The following ARB2A variants were observed in gnomAD, a reference collection of about 807,000 sequenced individuals.
The protein encoded by ARB2A is ARB2 cotranscriptional regulator A, also known as cotranscriptional regulator ARB2A.
At chr5:93,865,142 C>T in the ARB2A span, among the ~76,000 whole-genome samples, 2 of 152,012 alleles carry the variant, frequency 1.3e-5, no homozygotes, top group South Asian at 2.1e-4. Flanking sequence ...AGTGCAGTGG[C>T]GCGATCTCGG....
At chr5:94,063,343 A>G in the ARB2A span, among the ~76,000 whole-genome samples, 1 of 152,064 alleles carries the variant, frequency 6.6e-6, no homozygotes, top group Non-Finnish European at 1.5e-5. Context: ...AACCTCACAC[A>G]TGCCACCTGC....
At chr5:93,657,932 G>T in the ARB2A span, among the ~76,000 whole-genome samples, 3 of 152,086 alleles carry the variant, frequency 2.0e-5, no homozygotes, top group Admixed American at 2.0e-4. Flanking sequence ...AACCAAATTT[G>T]CTATATAATA....
the ARB2A span, among the ~76,000 whole-genome samples, chr5:93,857,387 G>A: frequency 6.6e-6 from 1 of 152,206 alleles, no homozygotes; most frequent in African/African-American, 2.4e-5. Context: ...TGCCCCCAGA[G>A]ATGGAGCCTA....
At chr5:93,680,162 C>T in the ARB2A span, among the ~76,000 whole-genome samples, 9 of 151,730 alleles carry the variant, frequency 5.9e-5, no homozygotes, top group South Asian at 8.3e-4. Context: ...AGGCCTGGAA[C>T]GAAGAGGAAA....
chr5:94,086,232 A>T, the ARB2A span, among the ~76,000 whole-genome samples: 1 of 152,238 alleles, frequency 6.6e-6, no homozygotes, highest in Non-Finnish European at 1.5e-5. Context: ...TTTTTTATCA[A>T]CAATATGTTC....
At chr5:93,885,734 C>A in the ARB2A span, among the ~76,000 whole-genome samples, 1 of 151,624 alleles carries the variant, frequency 6.6e-6, no homozygotes. Context: ...CTTTCATTTT[C>A]AGACCTGTGT....
At chr5:93,770,998 T>C in the ARB2A span, among the ~76,000 whole-genome samples, 1 of 152,010 alleles carries the variant, frequency 6.6e-6, no homozygotes, top group East Asian at 1.9e-4. Context: ...ATCGCCAAGT[T>C]AATCCTAAGC....
the ARB2A span, among the ~76,000 whole-genome samples, chr5:94,094,144 A>G: frequency 6.6e-6 from 1 of 152,238 alleles, no homozygotes; most frequent in Admixed American, 6.5e-5. Flanking sequence ...GTATTAGTCT[A>G]GTCAGGCTGC....
the ARB2A span, among the ~76,000 whole-genome samples, chr5:93,932,289 A>T: frequency 6.6e-6 from 1 of 152,144 alleles, no homozygotes; most frequent in African/African-American, 2.4e-5. Context: ...CCCTTTAAAC[A>T]TCATGTGTGT....
the ARB2A span, among the ~76,000 whole-genome samples, chr5:94,000,426 T>A: frequency 5.3e-5 from 8 of 152,102 alleles, no homozygotes; most frequent in Non-Finnish European, 1.2e-4. Context: ...ATATGGAACA[T>A]CTTTTCATAT....
chr5:93,998,689 G>A, the ARB2A span, among the ~76,000 whole-genome samples: 1 of 151,908 alleles, frequency 6.6e-6, no homozygotes, highest in Non-Finnish European at 1.5e-5. Context: ...AGTTTAAAGA[G>A]ATATTCCATT....
At chr5:93,678,522 G>A in the ARB2A span, among the ~76,000 whole-genome samples, 9 of 152,304 alleles carry the variant, frequency 5.9e-5, no homozygotes, top group East Asian at 5.8e-4. Flanking sequence ...CTGGGAGCCC[G>A]AGGTGGGTGG....
the ARB2A span, among the ~76,000 whole-genome samples, chr5:93,856,590 T>C: frequency 1.2e-4 from 19 of 152,368 alleles, no homozygotes; most frequent in African/African-American, 4.3e-4. Context: ...CTGAGGTTTC[T>C]GCATTCTTCA....
the ARB2A span, among the ~76,000 whole-genome samples, chr5:94,094,201 T>A: frequency 1.3e-5 from 2 of 152,252 alleles, no homozygotes; most frequent in Non-Finnish European, 2.9e-5. Flanking sequence ...GATAAATTTA[T>A]TTTCTCACAG....
the ARB2A span, among the ~76,000 whole-genome samples, chr5:93,960,085 C>G: frequency 8.5e-5 from 12 of 141,682 alleles, 1 homozygote; most frequent in East Asian, 8.4e-4. Context: ...CTAGATGCCC[C>G]CCCCCCCCCC....
At chr5:93,741,488 G>T in the ARB2A span, 1 of 1,613,032 alleles carries the variant, frequency 6.2e-7, no homozygotes. Context: ...ACCCGCAGGG[G>T]CATCGGCCCT....
At chr5:93,749,121 G>A in the ARB2A span, among the ~76,000 whole-genome samples, 94 of 151,230 alleles carry the variant, frequency 6.2e-4, 1 homozygote, top group South Asian at 0.018. Flanking sequence ...AAACACTTTC[G>A]ATTTCATTTC....
chr5:93,787,566 A>G, the ARB2A span, among the ~76,000 whole-genome samples: 2 of 152,212 alleles, frequency 1.3e-5, no homozygotes, highest in Admixed American at 6.5e-5. Context: ...AAGTAAACTG[A>G]GACAGTTTAA....
At chr5:93,635,567 G>A in the ARB2A span, among the ~76,000 whole-genome samples, 2 of 150,078 alleles carry the variant, frequency 1.3e-5, no homozygotes, top group African/African-American at 4.9e-5. Context: ...AGCCTCCCAA[G>A]AAGCTGGGAG....
Sources: allele counts gnomAD v4.1 joint callset (sites outside exome capture counted in the v4.1 genomes callset), GRCh38; gene constraint gnomAD v4.1.1; transcripts MANE v1.5; gene names NCBI Gene and HGNC (gene_info 2026-07-23, HGNC 2026-07-21).